The following MYO5B variants were observed in gnomAD, a reference collection of about 807,000 sequenced individuals.
The protein encoded by MYO5B is myosin VB.
MYO5B carries 143 observed loss-of-function variants against 229.3 expected under a neutral mutation model. That is an observed-to-expected ratio of 0.62 (90% CI 0.54 to 0.72). The LOEUF (loss-of-function observed/expected upper bound fraction) is 0.72, where lower values mean the gene tolerates loss of function less well. Among genes scored for constraint, MYO5B ranks in the 30% least tolerant of loss-of-function variants. MYO5B has a pLI of 0.00. For missense variants in MYO5B, 2,321 were observed against 2,331.0 expected (o/e 1.00, Z 0.09); for synonymous variants, 918 against 885.2 (o/e 1.04, Z -0.66).
chr18:49,902,166 C>T (rs1260804051), intron 21 of MYO5B, among the ~76,000 whole-genome samples: 3 of 152,178 alleles, frequency 2.0e-5, no homozygotes, highest in Non-Finnish European at 4.4e-5. Flanking sequence ...TTTCTGGACG[C>T]TCTAGGGGAG....
chr18:50,115,823 G>C (rs1482837224), intron 1 of MYO5B, among the ~76,000 whole-genome samples: 1 of 151,884 alleles, frequency 6.6e-6, no homozygotes, highest in African/African-American at 2.4e-5. Context: ...GTATGTGGGA[G>C]GGGGGAGGGT....
intron 4 of MYO5B, among the ~76,000 whole-genome samples, chr18:50,019,051 G>C (rs1444319291): frequency 6.6e-6 from 1 of 152,116 alleles, no homozygotes; most frequent in Non-Finnish European, 1.5e-5. Context: ...TTACACTCCA[G>C]AGCCATTTAT....
At position 50,055,355 on chromosome 18, in the gene MYO5B, G is replaced by T. The variant is rs759325127; in HGVS notation, c.51C>A (p.Asp17Glu). 17 of 1,613,688 alleles carry T rather than the reference G, an allele frequency of 1.1e-5. No individual in the cohort carries two copies. Among genetic ancestry groups the T allele is most frequent in the Non-Finnish European group, 1.2e-5 (14 of 1,179,956 alleles). The change falls in exon 2 of 40, where the codon GAC becomes GAA. Residue 17 changes from aspartate (D) to glutamate (E), a missense_variant. By Grantham distance (45) the Asp-to-Glu change is conservative (BLOSUM62 2). Around this residue, in one of 2 missense-constraint regions of MYO5B, gnomAD observed 2,113 missense variants for 2,044.7 expected, o/e 1.03. Coordinates refer to ENST00000285039, the MANE Select transcript of MYO5B (RefSeq NM_001080467.3). ...CAGCTGAGCGCCATACCTCATCAGGGTCAGGGATCCAGACCCTTGTGCACT... is the reference window on the plus strand; with the variant it reads ...CAGCTGAGCGCCATACCTCATCAGGTTCAGGGATCCAGACCCTTGTGCACT... ...YSQCTRVWIP[D>E]PDEVWRSAEL...
intron 4 of MYO5B, among the ~76,000 whole-genome samples, chr18:50,015,671 G>A (rs917600898): frequency 2.0e-5 from 3 of 152,130 alleles, no homozygotes; most frequent in African/African-American, 4.8e-5. Flanking sequence ...TCTTCTTTGG[G>A]GACACATGAA....
At chr18:50,076,168 G>C (rs1323208988) in intron 1 of MYO5B, among the ~76,000 whole-genome samples, 1 of 152,204 alleles carries the variant, frequency 6.6e-6, no homozygotes, top group Non-Finnish European at 1.5e-5. Flanking sequence ...AGGCGTGCCA[G>C]AGAGCAACCT....
chr18:49,978,694 TACACACACACACACACACACAC>T (rs10527520), intron 9 of MYO5B, among the ~76,000 whole-genome samples: 2,161 of 139,206 alleles, frequency 0.016, 61 homozygotes, highest in African/African-American at 0.056. Context: ...CAGCAAGTAA[TACACACACACACACACACACAC>T]ACACACACAC....
intron 14 of MYO5B, among the ~76,000 whole-genome samples, chr18:49,939,036 G>A (rs971496204): frequency 2.0e-5 from 3 of 152,120 alleles, no homozygotes; most frequent in Non-Finnish European, 2.9e-5. Flanking sequence ...AGGACTGAAT[G>A]AGAGAATCCG....
intron 14 of MYO5B, among the ~76,000 whole-genome samples, chr18:49,939,750 G>T (rs1787600): frequency 0.58 from 88,894 of 152,088 alleles, 26,490 homozygotes; most frequent in Middle Eastern, 0.73. Context: ...TTTCAATACA[G>T]AAATATAGCC....
At chr18:49,966,571 A>G (rs1247453258) in intron 10 of MYO5B, among the ~76,000 whole-genome samples, 1 of 152,166 alleles carries the variant, frequency 6.6e-6, no homozygotes, top group Non-Finnish European at 1.5e-5. Flanking sequence ...CCTAGGTGGG[A>G]GATAAAAGAG....
At position 49,864,132 on chromosome 18, in the gene MYO5B, T is replaced by A. The variant is rs780988723; in HGVS notation, c.3843+9A>T. The A allele has an allele frequency of 3.7e-6, 6 of 1,607,016 alleles. No homozygotes were observed. In the East Asian group the frequency reaches 1.1e-4, roughly 30 times the overall value. ...TCGGCAGCCCCACCGCGGGCCGCCA[T>A]CTTGTTACCGCGTTCCTGCCGGCGA... is the stretch of plus-strand genomic sequence containing the variant. On this transcript the variant is annotated intron_variant, in intron 28 of 39. Transcript: ENST00000285039.
At chr18:49,918,294 T>A (rs1235183077) in intron 17 of MYO5B, among the ~76,000 whole-genome samples, 1 of 152,228 alleles carries the variant, frequency 6.6e-6, no homozygotes, top group Non-Finnish European at 1.5e-5. Context: ...CCCTCGGGCA[T>A]GTTTCCTCAT....
intron 4 of MYO5B, among the ~76,000 whole-genome samples, chr18:50,002,888 T>A (rs1296254510): frequency 6.6e-6 from 1 of 152,012 alleles, no homozygotes; most frequent in Non-Finnish European, 1.5e-5. Context: ...TAGGGCAGAG[T>A]GGGTTAGAAA....
At chr18:49,830,078 G>C (rs1401155807) in intron 39 of MYO5B, among the ~76,000 whole-genome samples, 2 of 151,742 alleles carry the variant, frequency 1.3e-5, no homozygotes, top group Admixed American at 6.6e-5. Flanking sequence ...AAAGAGATAA[G>C]AGGCAGCCAA....
intron 1 of MYO5B, among the ~76,000 whole-genome samples, chr18:50,116,707 G>C (rs1382911937): frequency 6.6e-6 from 1 of 151,654 alleles, no homozygotes; most frequent in Non-Finnish European, 1.5e-5. Flanking sequence ...ATAGCTTCAC[G>C]GGGGAACTCG....
intron 17 of MYO5B, among the ~76,000 whole-genome samples, chr18:49,921,843 C>T (rs1378452023): frequency 6.6e-6 from 1 of 152,198 alleles, no homozygotes; most frequent in African/African-American, 2.4e-5. Context: ...TGGGATGACG[C>T]ATTTTCTTTT....
At chr18:49,862,528 G>A (rs1442753243) in intron 29 of MYO5B, among the ~76,000 whole-genome samples, 7 of 152,190 alleles carry the variant, frequency 4.6e-5, no homozygotes, top group East Asian at 1.9e-4. Flanking sequence ...TCATGTGACC[G>A]CTACTAAACC....
chr18:49,861,437 C>G (rs2024328259), intron 29 of MYO5B, among the ~76,000 whole-genome samples: 1 of 152,206 alleles, frequency 6.6e-6, no homozygotes, highest in Admixed American at 6.5e-5. Context: ...TTCCCTTCTA[C>G]TTTAGTATCA....
At chr18:50,057,081 TAA>T (rs1345684280) in intron 1 of MYO5B, among the ~76,000 whole-genome samples, 1 of 152,096 alleles carries the variant, frequency 6.6e-6, no homozygotes, top group Non-Finnish European at 1.5e-5. Context: ...AGCTCCAGAG[TAA>T]AATATAAGGA....
chr18:49,884,187 G>A (rs935793374), intron 22 of MYO5B, among the ~76,000 whole-genome samples: 1 of 151,996 alleles, frequency 6.6e-6, no homozygotes, highest in South Asian at 2.1e-4. Flanking sequence ...AAGTGAAAGG[G>A]CAACCCACAG....
Sources: allele counts gnomAD v4.1 joint callset (sites outside exome capture counted in the v4.1 genomes callset), GRCh38; gene constraint gnomAD v4.1.1; regional missense constraint gnomAD v4.1.1; transcripts MANE v1.5; gene names NCBI Gene and HGNC (gene_info 2026-07-23, HGNC 2026-07-21).